The following MXD4 variants were observed in gnomAD, a reference collection of about 807,000 sequenced individuals.
The protein encoded by MXD4 is MAX dimerization protein 4.
Under a neutral mutation model 24.5 loss-of-function variants are expected in MXD4, and 16 were observed. That is an observed-to-expected ratio of 0.65 (90% CI 0.44 to 0.99). The LOEUF (loss-of-function observed/expected upper bound fraction) is 0.99. Ranked by LOEUF, MXD4 falls within the 50% of genes least tolerant of loss-of-function variation. The pLI is 0.00. For synonymous variants in MXD4, 164 were observed against 134.2 expected (o/e 1.22, Z -1.54); for missense variants, 301 against 301.5 (o/e 1.00, Z 0.01).
At position 2,250,117 on chromosome 4, in the gene MXD4, A is replaced by G. The variant is rs1735286369; in HGVS notation, c.*427T>C. On this transcript the variant is annotated 3_prime_UTR_variant, in exon 6 of 6. Coordinates refer to ENST00000337190, the MANE Select transcript of MXD4 (RefSeq NM_006454.3). ...TGGACAGACGGACGGATGGACAGACAGCCTTGCCTTCCTTCCTTCCTCGGT... is the reference window on the plus strand; with the variant it reads ...TGGACAGACGGACGGATGGACAGACGGCCTTGCCTTCCTTCCTTCCTCGGT... 5.5e-6 allele frequency: 1 copy of G among 181,800 alleles called. No individual in the cohort carries two copies. The highest frequency in any genetic ancestry group is 5.6e-5 in the Admixed American group (1 of 17,850). 11.3% of individuals were successfully genotyped at this position (181,800 alleles called of 1,614,324 possible).
Position 2,261,718 on chromosome 4 carries a change from G to C in MXD4, c.164+7C>G. 1.5e-6 allele frequency: 2 copies of C among 1,367,790 alleles called. No homozygotes were observed. The highest frequency in any genetic ancestry group is 3.0e-5 in the South Asian group (2 of 66,948). The allele number at this position is 1,367,790 out of a possible 1,614,324, so 84.7% of individuals were successfully genotyped here. ...GGCCGGGCGGGGTCGGGAGCGGGGG[G>C]CGGTACCTGTTGTTCGGGGCCTTGC... On this transcript the variant is annotated splice_region_variant and intron_variant, in intron 2 of 5. Transcript: ENST00000337190.
chr4:2,261,187 G>A (rs1382454774), intron 2 of MXD4, among the ~76,000 whole-genome samples: 3 of 152,220 alleles, frequency 2.0e-5, no homozygotes, highest in Admixed American at 6.5e-5. Flanking sequence ...AGGAGTGAGG[G>A]CCCAGGACAG....
intron 2 of MXD4, 38 bp downstream of exon 2, chr4:2,261,687 G>C (rs1305640974): frequency 9.8e-6 from 12 of 1,228,914 alleles, no homozygotes; most frequent in East Asian, 3.6e-5. Flanking sequence ...GCGGGGGTTC[G>C]GACCGGGCCG....
At chr4:2,261,633 C>T (rs1216935128) in intron 2 of MXD4, 92 bp downstream of exon 2, 2 of 737,138 alleles carry the variant, frequency 2.7e-6, no homozygotes, top group Non-Finnish European at 3.4e-6. Context: ...CGCTGAGGGC[C>T]GCGGGCCGGG....
rs1389077773 is a variant in MXD4, at chr4:2,252,392, A to G, written c.309+16T>C. The G allele has an allele frequency of 1.2e-6, 2 of 1,600,790 alleles. No individual in the cohort carries two copies. The highest frequency in any genetic ancestry group is 1.7e-6 in the Non-Finnish European group (2 of 1,170,130). On this transcript the variant is annotated intron_variant, in intron 4 of 5. Transcript: ENST00000337190. Reference sequence around the variant, plus strand: ...GGCAGCCAGACAGGGCAGGGTGGAGAGCAAGGCCCACTCACCTTGATGTGC... The same window carrying G: ...GGCAGCCAGACAGGGCAGGGTGGAGGGCAAGGCCCACTCACCTTGATGTGC...
intron 2 of MXD4, chr4:2,259,053 T>C (rs991334184): frequency 4.5e-6 from 2 of 441,132 alleles, no homozygotes; most frequent in Non-Finnish European, 9.1e-6. Context: ...CCTCCCAGGA[T>C]GCCGCTGCAC....
At chr4:2,258,952 G>A (rs542751415) in intron 2 of MXD4, 1 of 455,924 alleles carries the variant, frequency 2.2e-6, no homozygotes, top group Non-Finnish European at 4.4e-6. Flanking sequence ...GCATCTGCCT[G>A]GAGGATAACG....
At position 2,250,811 on chromosome 4, in the gene MXD4, G is replaced by A. The variant is rs566176071; in HGVS notation, c.473-110C>T. The A allele has an allele frequency of 1.7e-5, 23 of 1,357,896 alleles. No homozygotes were observed. The South Asian group carries it at 1.9e-4, about 11-fold the overall frequency. 84.1% of individuals were successfully genotyped at this position (1,357,896 alleles called of 1,614,324 possible). On this transcript the variant is annotated intron_variant, in intron 5 of 5. Transcript: ENST00000337190. ...GCAGAGGGGCAGAAGTGCGGAGGGCGCTGTCTGGGCCCTGGGGCAGCAGAC... is the reference window on the plus strand; with the variant it reads ...GCAGAGGGGCAGAAGTGCGGAGGGCACTGTCTGGGCCCTGGGGCAGCAGAC...
chr4:2,259,559 G>C (rs568481970), intron 2 of MXD4, among the ~76,000 whole-genome samples: 2 of 152,164 alleles, frequency 1.3e-5, no homozygotes, highest in Non-Finnish European at 2.9e-5. Flanking sequence ...GGGAGGTCGG[G>C]GTCAGCAGGT....
chr4:2,257,379 C>T (rs1427123660), intron 3 of MXD4, among the ~76,000 whole-genome samples: 2 of 152,130 alleles, frequency 1.3e-5, no homozygotes, highest in African/African-American at 4.8e-5. Flanking sequence ...TGCCTCTGCA[C>T]TCACCCAGGG....
intron 3 of MXD4, chr4:2,254,088 G>T (rs1374214627): frequency 6.6e-6 from 1 of 152,160 alleles, no homozygotes; most frequent in East Asian, 1.9e-4. Context: ...CGTTGCCAGG[G>T]GTCTCCTTCC....
rs1346956668 is a variant in MXD4, at chr4:2,250,367, G to A, written c.*177C>T. 40 of 846,308 alleles carry A rather than the reference G, an allele frequency of 4.7e-5. No individual in the cohort carries two copies. Among genetic ancestry groups the A allele is most frequent in the African/African-American group, 1.0e-4 (6 of 57,984 alleles). The allele number at this position is 846,308 out of a possible 1,614,324, so 52.4% of individuals were successfully genotyped here. A position where few individuals can be genotyped will look rare whatever the true frequency, so the allele number is the denominator to read the frequency against. ...GACTCTGCCCAGCTGGAAGGGGCAG[G>A]CAGCTCGGCAGGCCCTGACCGGCAA... is the stretch of plus-strand genomic sequence containing the variant. On this transcript the variant is annotated 3_prime_UTR_variant, in exon 6 of 6. Transcript: ENST00000337190.
At chr4:2,255,459 C>G (rs1735407336) in intron 3 of MXD4, 1 of 451,642 alleles carries the variant, frequency 2.2e-6, no homozygotes, top group Non-Finnish European at 4.4e-6. Flanking sequence ...CTGGAGGCCA[C>G]AGAAATTCCT....
chr4:2,256,973 G>A (rs1214424642), intron 3 of MXD4, among the ~76,000 whole-genome samples: 1 of 152,202 alleles, frequency 6.6e-6, no homozygotes, highest in Non-Finnish European at 1.5e-5. Context: ...GGCCTGCCTG[G>A]TTCTCTTGGG....
intron 2 of MXD4, among the ~76,000 whole-genome samples, chr4:2,261,170 C>T (rs1329405350): frequency 6.6e-6 from 1 of 152,208 alleles, no homozygotes; most frequent in African/African-American, 2.4e-5. Context: ...GCGGTGGGCA[C>T]CCTGGGAGGA....
chr4:2,256,060 G>A (rs752830939), intron 3 of MXD4, among the ~76,000 whole-genome samples: 22 of 152,196 alleles, frequency 1.4e-4, no homozygotes, highest in Admixed American at 9.8e-4. Flanking sequence ...CCTCCTGGAC[G>A]TGCCTGGGGG....
intron 2 of MXD4, among the ~76,000 whole-genome samples, chr4:2,259,443 T>C (rs1467909924): frequency 2.6e-5 from 4 of 152,228 alleles, no homozygotes; most frequent in Non-Finnish European, 5.9e-5. Context: ...GATAGGCCCC[T>C]ACGCCAGCGT....
intron 2 of MXD4, among the ~76,000 whole-genome samples, chr4:2,258,471 C>G (rs999684875): frequency 1.3e-5 from 2 of 152,180 alleles, no homozygotes; most frequent in African/African-American, 4.8e-5. Flanking sequence ...AGCAACAGGT[C>G]CTGGCGCTGA....
At chr4:2,256,410 T>C (rs1735431826) in intron 3 of MXD4, among the ~76,000 whole-genome samples, 2 of 152,142 alleles carry the variant, frequency 1.3e-5, no homozygotes, top group South Asian at 2.1e-4. Flanking sequence ...GGCAAAGCGA[T>C]GTCCAGGGCC....
Sources: gnomAD v4.1 joint callset for allele counts (sites outside exome capture counted in the v4.1 genomes callset) on GRCh38, gnomAD v4.1.1 for gene constraint, MANE v1.5 for transcripts, NCBI Gene and HGNC (gene_info 2026-07-23, HGNC 2026-07-21) for gene names.